Variants in MDGA1 observed in about 807,000 individuals in gnomAD.
MDGA1 encodes the protein MAM domain-containing glycosylphosphatidylinositol anchor protein 1.
In MDGA1, 54 loss-of-function variants were observed where a neutral mutation model predicts 101.5. The observed-to-expected ratio is 0.53, with a 90% confidence interval of 0.43 to 0.67. The LOEUF (loss-of-function observed/expected upper bound fraction) is 0.67, where lower values mean the gene tolerates loss of function less well. Ranked by LOEUF, MDGA1 falls within the 30% of genes least tolerant of loss-of-function variation. The pLI is 0.00. For missense variants in MDGA1, 1,083 were observed against 1,323.8 expected (o/e 0.82, Z 2.82); for synonymous variants, 533 against 558.3 (o/e 0.95, Z 0.64).
chr6:37,688,433 C>A (rs1762243204), intron 1 of MDGA1, among the ~76,000 whole-genome samples: 1 of 152,176 alleles, frequency 6.6e-6, no homozygotes. Context: ...GGAAAGGAAC[C>A]AAGAAGAGCC....
At chr6:37,644,075 C>T (rs1447318138) in intron 13 of MDGA1, 132 bp from the exon 14 acceptor site, 38 of 1,028,082 alleles carry the variant, frequency 3.7e-5, no homozygotes, top group South Asian at 2.8e-4. Flanking sequence ...CCTCACCCCA[C>T]GCATCCTGCC....
At chr6:37,676,408 A>G (rs1188035019) in intron 1 of MDGA1, among the ~76,000 whole-genome samples, 1 of 152,254 alleles carries the variant, frequency 6.6e-6, no homozygotes, top group Non-Finnish European at 1.5e-5. Flanking sequence ...TCCAAGGCCC[A>G]CAGAGCTAAA....
chr6:37,646,043 C>A, intron 11 of MDGA1, 87 bp from the exon 12 acceptor site: 1 of 1,600,284 alleles, frequency 6.2e-7, no homozygotes, highest in Non-Finnish European at 8.5e-7. Flanking sequence ...GGACAGGGTC[C>A]TCAGAGCCAG....
intron 9 of MDGA1, 80 bp downstream of exon 9, chr6:37,648,902 G>T (rs1361130857): frequency 1.3e-6 from 2 of 1,481,516 alleles, no homozygotes; most frequent in Admixed American, 2.4e-5. Context: ...CCCAGGCAAA[G>T]AATCACCCGG....
At position 37,655,399 on chromosome 6, in the gene MDGA1, T is replaced by G; in HGVS notation, c.579+301A>C. The G allele has an allele frequency of 2.8e-6, 1 of 356,038 alleles. No individual in the cohort carries two copies. Among genetic ancestry groups the G allele is most frequent in the East Asian group, 5.7e-5 (1 of 17,570 alleles). The allele number at this position is 356,038 out of a possible 1,614,324, so 22.1% of individuals were successfully genotyped here. A position where few individuals can be genotyped will look rare whatever the true frequency, so the allele number is the denominator to read the frequency against. On this transcript the variant is annotated intron_variant, in intron 4 of 16. Transcript: ENST00000434837. The surrounding 1 kb of genome is among the most constrained non-coding windows in gnomAD (Gnocchi z 5.1). ...GCTGTGCCTGGCCACAGGTTCCCAA[T>G]ACTCTGCCACCCAGCAGCAGACTGG...
At chr6:37,645,601 T>C (rs189759222) in intron 12 of MDGA1, among the ~76,000 whole-genome samples, 180 of 152,286 alleles carry the variant, frequency 1.2e-3, no homozygotes, top group Non-Finnish European at 2.3e-3. Context: ...ATTCTATACA[T>C]AGATTCTTTG....
Position 37,635,832 on chromosome 6 carries a change from CA to C in MDGA1, c.*1535del, listed in dbSNP as rs1254392398. 7.5e-6 allele frequency: 3 copies of C among 398,042 alleles called. No homozygotes were observed. The highest frequency in any genetic ancestry group is 1.3e-5 in the Non-Finnish European group (3 of 226,086). The allele number at this position is 398,042 out of a possible 1,614,324, so 24.7% of individuals were successfully genotyped here. On this transcript the variant is annotated 3_prime_UTR_variant, in exon 17 of 17. Transcript: ENST00000434837. Reference sequence around the variant, plus strand: ...CTTGAGACTACAGAACAGGGCTGGACAGAGTCTATTCAGCCAGCACCCTACA... The same window carrying C: ...CTTGAGACTACAGAACAGGGCTGGACGAGTCTATTCAGCCAGCACCCTACA...
intron 1 of MDGA1, among the ~76,000 whole-genome samples, chr6:37,665,583 A>G (rs1326746922): frequency 6.6e-6 from 1 of 152,214 alleles, no homozygotes; most frequent in Non-Finnish European, 1.5e-5. Context: ...ATTGCCGACC[A>G]TCTACTGCCA....
At chr6:37,648,950 G>C in intron 9 of MDGA1, 32 bp downstream of exon 9, 1 of 1,541,502 alleles carries the variant, frequency 6.5e-7, no homozygotes, top group Non-Finnish European at 8.7e-7. Context: ...TGGTGGGCGT[G>C]GTAGGTGGGG....
intron 1 of MDGA1, among the ~76,000 whole-genome samples, chr6:37,681,478 G>A (rs533244825): frequency 2.6e-5 from 4 of 152,288 alleles, no homozygotes; most frequent in African/African-American, 9.6e-5. Flanking sequence ...GAGGGGCAGC[G>A]AGATAAAGGT....
In MDGA1 at chr6:37,649,152, C is replaced by CA; in HGVS notation, c.1723dup (p.Trp575LeufsTer144). On this transcript the variant is annotated frameshift_variant, in exon 9 of 17. Transcript: ENST00000434837. LOFTEE classifies it high-confidence loss of function. ...CGGCAGCAGCTGCCCTTTGAAACGC[C>CA]ACACAGCCGAGGCGATGCGCTGGGG... 2 of 1,508,926 alleles carry CA rather than the reference C, an allele frequency of 1.3e-6. No homozygotes were observed. Among genetic ancestry groups the CA allele is most frequent in the Non-Finnish European group, 1.8e-6 (2 of 1,134,980 alleles). The allele number at this position is 1,508,926 out of a possible 1,614,324, so 93.5% of individuals were successfully genotyped here.
In MDGA1 at chr6:37,655,507, C is replaced by G; in HGVS notation, c.579+193G>C. Reference sequence around the variant, plus strand: ...ATGTTGCCTCGGGGACACTCCTGCCCTCATTGCTGCTCCCTGACCTTTCCA... The same window carrying G: ...ATGTTGCCTCGGGGACACTCCTGCCGTCATTGCTGCTCCCTGACCTTTCCA... On this transcript the variant is annotated intron_variant, in intron 4 of 16. Transcript: ENST00000434837. The surrounding 1 kb of genome is among the most constrained non-coding windows in gnomAD (Gnocchi z 5.1). 1 of 575,050 alleles carries G rather than the reference C, an allele frequency of 1.7e-6. No individual in the cohort carries two copies. The highest frequency in any genetic ancestry group is 3.1e-6 in the Non-Finnish European group (1 of 325,470). The allele number at this position is 575,050 out of a possible 1,614,324, so 35.6% of individuals were successfully genotyped here. A position where few individuals can be genotyped will look rare whatever the true frequency, so the allele number is the denominator to read the frequency against.
intron 1 of MDGA1, among the ~76,000 whole-genome samples, chr6:37,689,260 TA>T (rs887015573): frequency 6.6e-6 from 1 of 152,224 alleles, no homozygotes; most frequent in African/African-American, 2.4e-5. Flanking sequence ...CTGGCAATTT[TA>T]TTCCACCTCA....
intron 10 of MDGA1, 96 bp from the exon 11 acceptor site, chr6:37,646,471 C>T (rs1761201056): frequency 9.8e-7 from 1 of 1,019,584 alleles, no homozygotes. Context: ...TGCCCACCTC[C>T]CAGGGCTGTC....
intron 14 of MDGA1, chr6:37,639,368 G>A: frequency 6.6e-6 from 1 of 152,386 alleles, no homozygotes; most frequent in East Asian, 1.9e-4. Flanking sequence ...GCTGTCTTGG[G>A]GGAGCATCCT....
At chr6:37,657,480 G>A (rs1761518303) in intron 3 of MDGA1, among the ~76,000 whole-genome samples, 1 of 152,218 alleles carries the variant, frequency 6.6e-6, no homozygotes. Context: ...CCTAAGAAAT[G>A]GCCCTCAGCT....
Position 37,638,363 on chromosome 6 carries a change from G to C in MDGA1, c.2668-50C>G, listed in dbSNP as rs773720928. On this transcript the variant is annotated intron_variant, in intron 15 of 16. Coordinates refer to ENST00000434837, the MANE Select transcript of MDGA1 (RefSeq NM_153487.4). The surrounding 1 kb of genome is among the most constrained non-coding windows in gnomAD (Gnocchi z 4.8). ...AGCAAGGGTTGAGGAGGTTCTGCTGGGTACCAGAGTGCTCCCTCGACCCCA... is the reference window on the plus strand; with the variant it reads ...AGCAAGGGTTGAGGAGGTTCTGCTGCGTACCAGAGTGCTCCCTCGACCCCA... 3 of 1,530,098 alleles carry C rather than the reference G, an allele frequency of 2.0e-6. No individual in the cohort carries two copies. Among genetic ancestry groups the C allele is most frequent in the African/African-American group, 2.7e-5 (2 of 73,242 alleles). The allele number at this position is 1,530,098 out of a possible 1,614,324, so 94.8% of individuals were successfully genotyped here.
chr6:37,656,506 G>C (rs983127686), intron 3 of MDGA1, among the ~76,000 whole-genome samples: 19 of 151,836 alleles, frequency 1.3e-4, no homozygotes, highest in African/African-American at 4.4e-4. Flanking sequence ...CTGAATAACT[G>C]GGACTACAGG....
At position 37,655,683 on chromosome 6, in the gene MDGA1, C is replaced by T. The variant is rs1219141473; in HGVS notation, c.579+17G>A. 2.5e-6 allele frequency: 4 copies of T among 1,588,680 alleles called. No homozygotes were observed. In the African/African-American group the frequency reaches 5.4e-5, roughly 21 times the overall value. On this transcript the variant is annotated intron_variant, in intron 4 of 16. Coordinates refer to ENST00000434837, the MANE Select transcript of MDGA1 (RefSeq NM_153487.4). The surrounding 1 kb of genome is among the most constrained non-coding windows in gnomAD (Gnocchi z 5.1). ...GCAGGAGAAGTGGTATGGGGCGAGC[C>T]AGCTGCCCATCCTGACCTGAGTGTA...
Sources: allele counts gnomAD v4.1 joint callset (sites outside exome capture counted in the v4.1 genomes callset), GRCh38; gene constraint gnomAD v4.1.1; non-coding constraint Gnocchi (gnomAD v3.1); transcripts MANE v1.5; gene names NCBI Gene and HGNC (gene_info 2026-07-23, HGNC 2026-07-21).